Variants in KIF5C observed in about 807,000 individuals in gnomAD.
The protein encoded by KIF5C is kinesin family member 5C, also known as kinesin heavy chain isoform 5C.
Under a neutral mutation model 125.2 loss-of-function variants are expected in KIF5C, and 18 were observed. That is an observed-to-expected ratio of 0.14 (90% CI 0.10 to 0.21). The LOEUF (loss-of-function observed/expected upper bound fraction) is 0.21, where lower values mean the gene tolerates loss of function less well. Among genes scored for constraint, KIF5C ranks in the 10% least tolerant of loss-of-function variants. KIF5C has a pLI of 1.00. For synonymous variants in KIF5C, 405 were observed against 434.0 expected (o/e 0.93, Z 0.83); for missense variants, 780 against 1,183.8 (o/e 0.66, Z 5.01).
At chr2:148,891,101 C>T (rs965117913) in intron 1 of KIF5C, among the ~76,000 whole-genome samples, 4 of 152,084 alleles carry the variant, frequency 2.6e-5, no homozygotes, top group African/African-American at 7.2e-5. Flanking sequence ...TTGTGGGTCC[C>T]ATTTGGGATA....
chr2:148,945,799 T>C (rs1329354671), intron 7 of KIF5C, among the ~76,000 whole-genome samples: 2 of 152,182 alleles, frequency 1.3e-5, no homozygotes, highest in African/African-American at 4.8e-5. Context: ...GTTTAGGCTA[T>C]TTGGTATCCC....
chr2:148,937,241 C>T, intron 3 of KIF5C, 43 bp from the exon 4 acceptor site: 1 of 1,551,608 alleles, frequency 6.4e-7, no homozygotes. Context: ...CATGTGTCTC[C>T]CAGCATGCTT....
chr2:148,912,901 C>T (rs1656807654), intron 1 of KIF5C, among the ~76,000 whole-genome samples: 1 of 152,172 alleles, frequency 6.6e-6, no homozygotes, highest in East Asian at 1.9e-4. Context: ...CCAGATGGTC[C>T]ATCTAGATGT....
intron 11 of KIF5C, among the ~76,000 whole-genome samples, chr2:148,971,215 C>A (rs1680893027): frequency 6.6e-6 from 1 of 152,018 alleles, no homozygotes; most frequent in African/African-American, 2.4e-5. Context: ...CTCCACATTG[C>A]TTGAGTTGTT....
chr2:148,979,318 T>C (rs1558929514), intron 13 of KIF5C, among the ~76,000 whole-genome samples: 1 of 152,212 alleles, frequency 6.6e-6, no homozygotes, highest in African/African-American at 2.4e-5. Flanking sequence ...AGGGTCTCTC[T>C]GTTGTCCAGG....
intron 8 of KIF5C, among the ~76,000 whole-genome samples, chr2:148,947,680 C>A (rs1236592827): frequency 6.6e-6 from 1 of 152,240 alleles, no homozygotes; most frequent in Non-Finnish European, 1.5e-5. Context: ...TACTCCAGAG[C>A]AATAGGCTTC....
At chr2:148,949,509 C>G (rs1434013125) in intron 8 of KIF5C, among the ~76,000 whole-genome samples, 1 of 152,186 alleles carries the variant, frequency 6.6e-6, no homozygotes, top group African/African-American at 2.4e-5. Flanking sequence ...GCGGCTCAGT[C>G]TCCCAGGGCC....
At position 148,983,733 on chromosome 2, in the gene KIF5C, A is replaced by G. The variant is rs1303531672; in HGVS notation, c.1683A>G (p.Ile561Met). The change falls in exon 15 of 26, where the codon ATA becomes ATG. Residue 561 changes from isoleucine to methionine, a missense_variant. By Grantham distance (10) the Ile-to-Met change is conservative (BLOSUM62 1). Coordinates refer to ENST00000435030, the MANE Select transcript of KIF5C (RefSeq NM_004522.3). ...TGCTGTTGAAAGATCTGGGGGAGAT[A>G]GGTGGAATTATTGGCACCAATGATG... is the stretch of plus-strand genomic sequence containing the variant. ...LNLLLKDLGEIGGIIGTNDVK... is the reference protein window; with the variant it reads ...LNLLLKDLGEMGGIIGTNDVK... 2 of 1,610,394 alleles carry G rather than the reference A, an allele frequency of 1.2e-6. No individual in the cohort carries two copies. The highest frequency in any genetic ancestry group is 1.7e-6 in the Non-Finnish European group (2 of 1,178,196).
chr2:148,983,667 T>C lies in KIF5C; in HGVS notation c.1617T>C (p.Leu539=), dbSNP rs1374794434. The part of the protein sequence containing the change: ...TQRELSQLQE[L]SNHQKKRATE... ...GAGAGCTGAGCCAGCTACAAGAGCT[T>C]AGCAACCACCAGAAGAAAAGGGCAA... Residue 539 remains leucine, a synonymous_variant, in exon 15 of 26, where the codon CTT becomes CTC. Coordinates refer to ENST00000435030, the MANE Select transcript of KIF5C (RefSeq NM_004522.3). 1 of 1,609,982 alleles carries C rather than the reference T, an allele frequency of 6.2e-7. No individual in the cohort carries two copies.
intron 25 of KIF5C, among the ~76,000 whole-genome samples, chr2:149,011,990 A>G (rs1389961672): frequency 6.6e-6 from 1 of 152,178 alleles, no homozygotes; most frequent in African/African-American, 2.4e-5. Context: ...CCCCTCTTTA[A>G]TTGGCATCCC....
Position 149,010,309 on chromosome 2 carries a change from C to G in KIF5C, c.2725C>G (p.Arg909Gly). 18 of 1,593,448 alleles carry G rather than the reference C, an allele frequency of 1.1e-5. No homozygotes were observed. The highest frequency in any genetic ancestry group is 1.4e-5 in the Non-Finnish European group (16 of 1,170,518). ...QEVDRIKEAV[R>G]AKNMARRAHS... ...GGTGGATCGTATCAAGGAGGCCGTG[C>G]GGGCCAAGAACATGGCCAGAAGGGC... The change falls in exon 24 of 26, where the codon CGG becomes GGG. Residue 909 changes from arginine to glycine, a missense_variant. Coordinates refer to ENST00000435030, the MANE Select transcript of KIF5C (RefSeq NM_004522.3).
At chr2:149,014,026 C>T (rs1682288416) in intron 25 of KIF5C, among the ~76,000 whole-genome samples, 1 of 152,096 alleles carries the variant, frequency 6.6e-6, no homozygotes, top group Admixed American at 6.6e-5. Flanking sequence ...ACCCATCAAC[C>T]CATCATCATC....
intron 18 of KIF5C, 183 bp downstream of exon 18, chr2:148,997,523 A>G (rs1250491041): frequency 1.8e-5 from 19 of 1,064,990 alleles, no homozygotes; most frequent in Non-Finnish European, 2.5e-5. Context: ...GAACAAGTCC[A>G]GAAACCCCAA....
chr2:148,895,429 C>T (rs1183597939), intron 1 of KIF5C, among the ~76,000 whole-genome samples: 2 of 152,120 alleles, frequency 1.3e-5, no homozygotes, highest in Admixed American at 1.3e-4. Flanking sequence ...TGAGCCACCG[C>T]ACTTGGCCCT....
intron 25 of KIF5C, 63 bp downstream of exon 25, chr2:149,011,746 C>A: frequency 6.2e-7 from 1 of 1,602,670 alleles, no homozygotes; most frequent in Non-Finnish European, 8.5e-7. Context: ...CTTTCCAAAG[C>A]CCCTGCCTGG....
rs189703954 is a variant in KIF5C at position 148,946,825 on chromosome 2, T to C, written c.590-74T>C. ...TGGATCTATTAGGCATGACTTGTTA[T>C]GCTTTTTAAATGAGAGGATTGCTAC... On this transcript the variant is annotated intron_variant, in intron 7 of 25. Transcript: ENST00000435030. The C allele has an allele frequency of 1.4e-4, 224 of 1,582,262 alleles. 2 individuals are homozygous for C. In the Middle Eastern group the frequency reaches 2.2e-3, roughly 15 times the overall value.
chr2:148,957,119 T>C (rs1682810013), intron 10 of KIF5C, among the ~76,000 whole-genome samples: 1 of 152,222 alleles, frequency 6.6e-6, no homozygotes, highest in Non-Finnish European at 1.5e-5. Flanking sequence ...TCTGCTGTCT[T>C]CTTGATTTTG....
At chr2:149,005,328 G>A (rs1221774540) in intron 21 of KIF5C, 65 bp from the exon 22 acceptor site, 8 of 1,576,588 alleles carry the variant, frequency 5.1e-6, no homozygotes, top group Middle Eastern at 1.7e-4. Flanking sequence ...GAATGATCTG[G>A]TGCCAAATGT....
chr2:148,954,093 C>T (rs929665907), intron 10 of KIF5C, among the ~76,000 whole-genome samples: 7 of 149,058 alleles, frequency 4.7e-5, no homozygotes, highest in Non-Finnish European at 7.4e-5. Flanking sequence ...TGTTTAACTC[C>T]CACTTATGAG....
Sources: allele counts gnomAD v4.1 joint callset (sites outside exome capture counted in the v4.1 genomes callset), GRCh38; gene constraint gnomAD v4.1.1; transcripts MANE v1.5; gene names NCBI Gene and HGNC (gene_info 2026-07-23, HGNC 2026-07-21).